Variants in DMWD observed in about 807,000 individuals in gnomAD.
DMWD encodes dystrophia myotonica WD repeat-containing protein.
Under a neutral mutation model 45.8 loss-of-function variants are expected in DMWD, and 19 were observed. The observed-to-expected ratio is 0.41, with a 90% confidence interval of 0.29 to 0.61. The LOEUF (loss-of-function observed/expected upper bound fraction) is 0.61. DMWD is among the 20% of genes least tolerant of loss of function. The pLI is 0.25. For synonymous variants in DMWD, 515 were observed against 440.5 expected, an observed-to-expected ratio of 1.17 and a Z score of -2.12; for missense variants, 802 against 965.2, an observed-to-expected ratio of 0.83 and a Z score of 2.24.
At chr19:45,790,391 C>T (rs762692853) in intron 2 of DMWD, among the ~76,000 whole-genome samples, 11 of 150,286 alleles carry the variant, frequency 7.3e-5, no homozygotes, top group Admixed American at 6.6e-5. Flanking sequence ...TGGTGGCTCA[C>T]ACCTGTAATC....
At chr19:45,784,560 AG>A (rs777952028) in intron 4 of DMWD, 80 bp downstream of exon 4, 5 of 820,588 alleles carry the variant, frequency 6.1e-6, no homozygotes, top group Admixed American at 4.0e-5. Context: ...TAAGGGTGGG[AG>A]GGGAGGGGGA....
intron 2 of DMWD, among the ~76,000 whole-genome samples, chr19:45,788,756 C>T (rs1171286499): frequency 2.1e-5 from 3 of 142,688 alleles, no homozygotes; most frequent in Admixed American, 1.5e-4. Context: ...CAAAGAGACC[C>T]CGCCTCTACA....
chr19:45,792,295 CCCACGATGCAGGCCG>C lies in DMWD; in HGVS notation c.441+6_441+20del. 6.2e-7 allele frequency: 1 copy of C among 1,601,546 alleles called. No individual in the cohort carries two copies. The highest frequency in any genetic ancestry group is 8.5e-7 in the Non-Finnish European group (1 of 1,173,778). ...CCTCCATCCTTTCAGCACCCAGGGC[CCCACGATGCAGGCCG>C]CTCACCCGTTGGCTCCCACGACGAC... On this transcript the variant is annotated splice_donor_region_variant and intron_variant, in intron 1 of 4. Coordinates refer to ENST00000270223, the MANE Select transcript of DMWD (RefSeq NM_004943.2).
In DMWD at chr19:45,783,673, CCA is replaced by C. The variant is rs1434069091; in HGVS notation, c.*568_*569del. 1.5e-5 allele frequency: 6 copies of C among 406,628 alleles called. No individual in the cohort carries two copies. Among genetic ancestry groups the C allele is most frequent in the Admixed American group, 8.8e-5 (2 of 22,744 alleles). 25.2% of individuals were successfully genotyped at this position (406,628 alleles called of 1,614,324 possible). On this transcript the variant is annotated 3_prime_UTR_variant, in exon 5 of 5. Coordinates refer to ENST00000270223, the MANE Select transcript of DMWD (RefSeq NM_004943.2). ...TCTGGGGAAAGCGGACTGCCTAGAA[CCA>C]CAGAGTACACACACAGGTCCTCTAC...
intron 3 of DMWD, among the ~76,000 whole-genome samples, chr19:45,785,024 T>C (rs1377783152): frequency 6.6e-6 from 1 of 152,182 alleles, no homozygotes; most frequent in Non-Finnish European, 1.5e-5. Context: ...CTGCCCATCC[T>C]ACAGGCTCTG....
chr19:45,783,733 G>C lies in DMWD; in HGVS notation c.*510C>G, dbSNP rs1970218615. ...CCTCCGAAGGGGACAGACCCGCTGA[G>C]AAAACAGGGAACTTTAGTATAAATA... On this transcript the variant is annotated 3_prime_UTR_variant, in exon 5 of 5. Coordinates refer to ENST00000270223, the MANE Select transcript of DMWD (RefSeq NM_004943.2). 2 of 445,564 alleles carry C rather than the reference G, an allele frequency of 4.5e-6. No individual in the cohort carries two copies. The highest frequency in any genetic ancestry group is 7.8e-6 in the Non-Finnish European group (2 of 256,292). The allele number at this position is 445,564 out of a possible 1,614,324, so 27.6% of individuals were successfully genotyped here.
chr19:45,785,414 G>C, intron 3 of DMWD, 180 bp downstream of exon 3: 1 of 1,309,512 alleles, frequency 7.6e-7, no homozygotes, highest in Non-Finnish European at 9.7e-7. Flanking sequence ...CCTAGGGCTA[G>C]ACCCCCTCAC....
intron 2 of DMWD, among the ~76,000 whole-genome samples, chr19:45,787,794 G>A (rs532032418): frequency 1.3e-5 from 2 of 152,188 alleles, no homozygotes; most frequent in African/African-American, 4.8e-5. Context: ...GTGGCTGGGC[G>A]TGGTGGCTCA....
chr19:45,791,637 T>A (rs1450175697), intron 1 of DMWD, among the ~76,000 whole-genome samples: 1 of 152,108 alleles, frequency 6.6e-6, no homozygotes, highest in Admixed American at 6.5e-5. Context: ...CTCCGAAGGA[T>A]CCCCATCATT....
Position 45,786,073 on chromosome 19 carries a change from T to C in DMWD, c.1423A>G (p.Ser475Gly). The C allele has an allele frequency of 6.6e-7, 1 of 1,520,674 alleles. No individual in the cohort carries two copies. Among genetic ancestry groups the C allele is most frequent in the South Asian group, 1.3e-5 (1 of 78,498 alleles). 94.2% of individuals were successfully genotyped at this position (1,520,674 alleles called of 1,614,324 possible). The change falls in exon 3 of 5, where the codon AGC becomes GGC. Residue 475 changes from serine (S) to glycine (G), a missense_variant. This residue lies in a region of DMWD where 303 missense variants were observed against 332.9 expected (regional missense o/e 0.91). Transcript: ENST00000270223. ...TPGTTPPAAS[S>G]SRGGEPGPGP... is the part of the protein sequence containing the mutation. ...GGGCCAGGCTCGCCACCCCTCGAGC[T>C]GCTGGCGGCCGGTGGCGTGGTGCCA...
Position 45,792,637 on chromosome 19 carries a change from G to C in DMWD, c.120C>G (p.Gly40=). ...AAGCCGGACCCGACCTGCGAGCGGC[G>C]CCGTCGCCCGGGAGTAGCTTGTAGA... The part of the protein sequence containing the change: ...EGFYKLLPGD[G]AARRSGPASA... The change falls in exon 1 of 5, where the codon GGC becomes GGG. Residue 40 remains glycine (G), a synonymous_variant. Transcript: ENST00000270223. The C allele has an allele frequency of 1.5e-6, 2 of 1,334,334 alleles. No individual in the cohort carries two copies. The highest frequency in any genetic ancestry group is 2.0e-4 in the Middle Eastern group (1 of 4,986). 82.7% of individuals were successfully genotyped at this position (1,334,334 alleles called of 1,614,324 possible). A position where few individuals can be genotyped will look rare whatever the true frequency, so the allele number is the denominator to read the frequency against.
At chr19:45,790,674 G>C (rs1236375763) in intron 2 of DMWD, 1 of 403,128 alleles carries the variant, frequency 2.5e-6, no homozygotes, top group Non-Finnish European at 4.4e-6. Flanking sequence ...ATAAAAGAAA[G>C]AAAGAAAGAA....
chr19:45,785,895 C>G lies in DMWD; in HGVS notation c.1601G>C (p.Arg534Pro), dbSNP rs750640345. ...ATLTLQERRDRGAEKEHKRYH... is the reference protein window; with the variant it reads ...ATLTLQERRDPGAEKEHKRYH... ...GCGCTTGTGCTCCTTCTCTGCCCCC[C>G]GGTCCCGCCGCTCCTGCAGTGTGAG... Residue 534 changes from arginine to proline, a missense_variant, in exon 3 of 5, where the codon CGG becomes CCG. This residue lies in a region of DMWD where 303 missense variants were observed against 332.9 expected (regional missense o/e 0.91). Transcript: ENST00000270223. The G allele has an allele frequency of 1.2e-6, 2 of 1,603,650 alleles. No individual in the cohort carries two copies. The highest frequency in any genetic ancestry group is 2.2e-5 in the East Asian group (1 of 44,868).
In DMWD at chr19:45,786,855, G is replaced by C; in HGVS notation, c.641C>G (p.Thr214Ser). Residue 214 changes from threonine to serine, a missense_variant, in exon 3 of 5, where the codon ACC (threonine) becomes AGC (serine). Thr to Ser is a moderately conservative substitution (Grantham distance 58, BLOSUM62 1). Around this residue, in one of 9 missense-constraint regions of DMWD, gnomAD observed 38 missense variants for 76.1 expected, o/e 0.50. Coordinates refer to ENST00000270223, the MANE Select transcript of DMWD (RefSeq NM_004943.2). ...LFNEERLIDK[T>S]KVTYLKWLPE... ...CAGCCACTTCAGATATGTCACCTTG[G>C]TCTTGTCGATCAACCGCTGCCAGGG... 1 of 1,613,896 alleles carries C rather than the reference G, an allele frequency of 6.2e-7. No individual in the cohort carries two copies. Among genetic ancestry groups the C allele is most frequent in the Non-Finnish European group, 8.5e-7 (1 of 1,179,960 alleles).
At position 45,786,227 on chromosome 19, in the gene DMWD, C is replaced by G; in HGVS notation, c.1269G>C (p.Lys423Asn). Residue 423 changes from lysine to asparagine, a missense_variant, in exon 3 of 5, where the codon AAG (lysine) becomes AAC (asparagine). By Grantham distance (94) the Lys-to-Asn change is moderately conservative (BLOSUM62 0). Transcript: ENST00000270223. ...AGGAPLSPLP[K>N]AGSITYRFGS... is the part of the protein sequence containing the mutation. Reference sequence around the variant, plus strand: ...CAAAGCGGTAAGTAATGGAGCCAGCCTTGGGCAGTGGAGAGAGCGGGGCGC... The same window carrying G: ...CAAAGCGGTAAGTAATGGAGCCAGCGTTGGGCAGTGGAGAGAGCGGGGCGC... 1 of 1,611,316 alleles carries G rather than the reference C, an allele frequency of 6.2e-7. No individual in the cohort carries two copies. The highest frequency in any genetic ancestry group is 8.5e-7 in the Non-Finnish European group (1 of 1,178,858).
intron 2 of DMWD, among the ~76,000 whole-genome samples, chr19:45,788,931 GAA>G (rs541890137): frequency 2.4e-4 from 29 of 123,062 alleles, no homozygotes; most frequent in East Asian, 1.2e-3. Flanking sequence ...CCTATCTCAG[GAA>G]AAAAAAAAAA....
intron 3 of DMWD, among the ~76,000 whole-genome samples, 166 bp from the exon 4 acceptor site, chr19:45,784,881 G>A (rs1204497637): frequency 1.3e-5 from 2 of 152,112 alleles, no homozygotes; most frequent in East Asian, 3.8e-4. Context: ...CAGGACCCTG[G>A]GCAACTGAGT....
intron 2 of DMWD, 100 bp downstream of exon 2, chr19:45,790,805 C>T: frequency 7.3e-7 from 1 of 1,373,142 alleles, no homozygotes; most frequent in Non-Finnish European, 9.9e-7. Flanking sequence ...GGTCCTGCCC[C>T]TCTCAGGCCT....
chr19:45,790,751 G>T (rs766077026), intron 2 of DMWD, 154 bp downstream of exon 2: 1 of 763,158 alleles, frequency 1.3e-6, no homozygotes. Flanking sequence ...TACAGTAAAG[G>T]CAGCTGTCAT....
Sources: gnomAD v4.1 joint callset for allele counts (sites outside exome capture counted in the v4.1 genomes callset) on GRCh38, gnomAD v4.1.1 for gene constraint, gnomAD v4.1.1 regional missense constraint, MANE v1.5 for transcripts, NCBI Gene and HGNC (gene_info 2026-07-23, HGNC 2026-07-21) for gene names.